The following ENPP1 variants were observed in gnomAD, a reference collection of about 807,000 sequenced individuals.
ENPP1 encodes the protein ectonucleotide pyrophosphatase/phosphodiesterase family member 1.
Under a neutral mutation model 122.8 loss-of-function variants are expected in ENPP1, and 73 were observed. The ratio of observed to expected loss-of-function variants is 0.59; its 90% confidence interval spans 0.49 to 0.72. The LOEUF is 0.72. Ranked by LOEUF, ENPP1 falls within the 30% of genes least tolerant of loss-of-function variation. ENPP1 has a pLI of 0.00. For synonymous variants in ENPP1, 367 were observed against 391.6 expected (o/e 0.94, Z 0.74); for missense variants, 978 against 1,128.1 (o/e 0.87, Z 1.91).
intron 1 of ENPP1, chr6:131,826,500 A>G: frequency 9.2e-7 from 1 of 1,083,896 alleles, no homozygotes; most frequent in South Asian, 1.3e-5. Flanking sequence ...GATTCTGAAG[A>G]TGCTGACAGC....
At chr6:131,811,668 T>C (rs578052600) in intron 1 of ENPP1, among the ~76,000 whole-genome samples, 3 of 152,248 alleles carry the variant, frequency 2.0e-5, no homozygotes, top group African/African-American at 7.2e-5. Flanking sequence ...AGATAGTGGG[T>C]GAGGCAGCTG....
chr6:131,828,417 T>A (rs189191291), intron 1 of ENPP1: 50 of 334,022 alleles, frequency 1.5e-4, no homozygotes, highest in Non-Finnish European at 2.4e-4. Context: ...TAATCATGAC[T>A]TTCCCTTGTA....
At chr6:131,813,095 C>T (rs996521980) in intron 1 of ENPP1, among the ~76,000 whole-genome samples, 8 of 152,146 alleles carry the variant, frequency 5.3e-5, no homozygotes, top group Non-Finnish European at 1.2e-4. Flanking sequence ...CCCACCTCAG[C>T]CTCCCAAAGT....
rs757005610 is a variant in ENPP1 at position 131,811,356 on chromosome 6, ATATATC to A, written c.240+3099_240+3104del. Among the ~76,000 whole-genome samples, 122 of 147,530 alleles carry A rather than the reference ATATATC, an allele frequency of 8.3e-4. 1 individual carries two copies. The highest frequency in any genetic ancestry group is 2.2e-3 in the African/African-American group (87 of 40,216). Reference sequence around the variant, plus strand: ...CAGTGAAAGAGTTCTTTAAAAAAACATATATCTATATCTATATCTATATATCTATAT... The same window carrying A: ...CAGTGAAAGAGTTCTTTAAAAAAACATATATCTATATCTATATATCTATAT... On this transcript the variant is annotated intron_variant, in intron 1 of 24. Transcript: ENST00000647893.
intron 19 of ENPP1, 109 bp from the exon 20 acceptor site, chr6:131,879,771 G>A: frequency 9.8e-7 from 1 of 1,023,370 alleles, no homozygotes; most frequent in Non-Finnish European, 1.5e-6. Flanking sequence ...ATAGTTAAAA[G>A]TAAATCTTCA....
At chr6:131,811,867 G>C (rs1415488814) in intron 1 of ENPP1, among the ~76,000 whole-genome samples, 1 of 152,094 alleles carries the variant, frequency 6.6e-6, no homozygotes, top group African/African-American at 2.4e-5. Context: ...AAATACTGAT[G>C]ATCAACGTTT....
chr6:131,827,345 G>T, intron 1 of ENPP1: 3 of 1,184,922 alleles, frequency 2.5e-6, no homozygotes, highest in Non-Finnish European at 3.8e-6. Context: ...TGACATCAGG[G>T]ATGTCACTAT....
At position 131,867,927 on chromosome 6, in the gene ENPP1, C is replaced by CTTTTT; in HGVS notation, c.1165-80_1165-76dup. 4.1e-6 allele frequency: 3 copies of CTTTTT among 737,798 alleles called. No individual in the cohort carries two copies. The South Asian group carries it at 4.7e-5, about 12-fold the overall frequency. 45.7% of individuals were successfully genotyped at this position (737,798 alleles called of 1,614,324 possible). A position where few individuals can be genotyped will look rare whatever the true frequency, so the allele number is the denominator to read the frequency against. On this transcript the variant is annotated intron_variant, in intron 11 of 24. Coordinates refer to ENST00000647893, the MANE Select transcript of ENPP1 (RefSeq NM_006208.3). ...TCTTTCTTTCTTTCTTTGTTTCTTT[C>CTTTTT]TTTTTTTTTTTTTTTAACAGAGATA...
At chr6:131,855,556 G>A (rs1473393526) in intron 6 of ENPP1, among the ~76,000 whole-genome samples, 2 of 152,032 alleles carry the variant, frequency 1.3e-5, no homozygotes, top group Non-Finnish European at 2.9e-5. Context: ...TAACTCCTGG[G>A]CTCAAGCAAT....
At chr6:131,887,159 CTT>C (rs1158238177) in intron 24 of ENPP1, among the ~76,000 whole-genome samples, 1 of 151,848 alleles carries the variant, frequency 6.6e-6, no homozygotes, top group Non-Finnish European at 1.5e-5. Context: ...TGGATTTTCT[CTT>C]TTTTTAAAAC....
intron 1 of ENPP1, among the ~76,000 whole-genome samples, chr6:131,830,043 C>G (rs1256583432): frequency 1.3e-5 from 2 of 152,128 alleles, no homozygotes; most frequent in African/African-American, 4.8e-5. Flanking sequence ...TCTTGGGAAA[C>G]AGACTATTAG....
At chr6:131,845,383 T>C (rs1781795205) in intron 1 of ENPP1, among the ~76,000 whole-genome samples, 1 of 151,782 alleles carries the variant, frequency 6.6e-6, no homozygotes, top group East Asian at 1.9e-4. Context: ...TATAGATGTT[T>C]TACTATGTTT....
chr6:131,866,769 G>T (rs1782096915), intron 11 of ENPP1, among the ~76,000 whole-genome samples: 1 of 152,186 alleles, frequency 6.6e-6, no homozygotes, highest in Non-Finnish European at 1.5e-5. Context: ...GGATAAGGAA[G>T]ATGCATGCCA....
Position 131,850,074 on chromosome 6 carries a change from G to A in ENPP1, c.398G>A (p.Cys133Tyr). ...GCCTGTGTTGAGCTTGGAAACTGCT[G>A]TTTAGATTACCAGGAGACGTGCATA... ...DAACVELGNC[C>Y]LDYQETCIEP... is the part of the protein sequence containing the mutation. The change falls in exon 3 of 25, where the codon TGT becomes TAT. Residue 133 changes from cysteine to tyrosine, a missense_variant. By Grantham distance (194) the Cys-to-Tyr change is radical. This residue lies in a region of ENPP1 where 330 missense variants were observed against 328.5 expected (regional missense o/e 1.00). Coordinates refer to ENST00000647893, the MANE Select transcript of ENPP1 (RefSeq NM_006208.3). The A allele has an allele frequency of 6.2e-7, 1 of 1,613,464 alleles. No homozygotes were observed. The highest frequency in any genetic ancestry group is 8.5e-7 in the Non-Finnish European group (1 of 1,179,418).
At chr6:131,864,622 T>G (rs371049157) in intron 10 of ENPP1, 51 bp downstream of exon 10, 51 of 1,254,122 alleles carry the variant, frequency 4.1e-5, no homozygotes, top group Non-Finnish European at 5.1e-5. Context: ...GTAGAAATGA[T>G]ATACTATTTT....
Position 131,872,695 on chromosome 6 carries a change from A to G in ENPP1, c.1438-228A>G, listed in dbSNP as rs141000052. 2.6e-5 allele frequency among the ~76,000 whole-genome samples: 4 copies of G among 152,254 alleles called. No individual in the cohort carries two copies. In the East Asian group the frequency reaches 7.7e-4, roughly 29 times the overall value. Reference sequence around the variant, plus strand: ...TTGGAAGATTTACCTTGTACATTATATAAGTGGTTTATTTAGCTGTTTTTT... The same window carrying G: ...TTGGAAGATTTACCTTGTACATTATGTAAGTGGTTTATTTAGCTGTTTTTT... On this transcript the variant is annotated intron_variant, in intron 14 of 24. Coordinates refer to ENST00000647893, the MANE Select transcript of ENPP1 (RefSeq NM_006208.3).
At chr6:131,846,086 G>A (rs28374626) in intron 1 of ENPP1, among the ~76,000 whole-genome samples, 2,554 of 152,200 alleles carry the variant, frequency 0.017, 91 homozygotes, top group African/African-American at 0.059. Context: ...GCAGTCACTT[G>A]ACAGTAGGCA....
At chr6:131,848,420 C>T (rs532811277) in intron 2 of ENPP1, among the ~76,000 whole-genome samples, 1 of 152,096 alleles carries the variant, frequency 6.6e-6, no homozygotes, top group Non-Finnish European at 1.5e-5. Context: ...GTTCCCCCCC[C>T]ATCCTCTCGC....
At chr6:131,860,682 G>A (rs547738236) in intron 8 of ENPP1, among the ~76,000 whole-genome samples, 176 bp downstream of exon 8, 18 of 152,098 alleles carry the variant, frequency 1.2e-4, no homozygotes, top group Non-Finnish European at 2.2e-4. Context: ...GTATAATTGC[G>A]TAAAAGGAGA....
Sources: allele counts gnomAD v4.1 joint callset (sites outside exome capture counted in the v4.1 genomes callset), GRCh38; gene constraint gnomAD v4.1.1; regional missense constraint gnomAD v4.1.1; transcripts MANE v1.5; gene names NCBI Gene and HGNC (gene_info 2026-07-23, HGNC 2026-07-21).